Variants in TSPEAR observed in about 807,000 individuals in gnomAD.
TSPEAR encodes thrombospondin type laminin G domain and EAR repeats.
A neutral mutation model predicts 71.6 loss-of-function variants in TSPEAR; 69 were observed. The observed-to-expected ratio is 0.96, with a 90% CI of 0.79 to 1.18. The LOEUF (loss-of-function observed/expected upper bound fraction) is 1.18. Ranked by LOEUF, TSPEAR falls within the 50% of genes most tolerant of loss-of-function variation. TSPEAR has a pLI of 0.00. For missense variants in TSPEAR, 971 were observed against 894.9 expected, an observed-to-expected ratio of 1.09 and a Z score of -1.09; for synonymous variants, 402 against 387.2, an observed-to-expected ratio of 1.04 and a Z score of -0.45.
chr21:44,604,793 A>T (rs1297531634), intron 1 of TSPEAR, among the ~76,000 whole-genome samples: 1 of 152,226 alleles, frequency 6.6e-6, no homozygotes, highest in Non-Finnish European at 1.5e-5. Flanking sequence ...AGTTTTAATC[A>T]TGAATGAATG....
At chr21:44,672,337 A>G (rs775479073) in intron 1 of TSPEAR, among the ~76,000 whole-genome samples, 76 of 152,254 alleles carry the variant, frequency 5.0e-4, no homozygotes, top group Non-Finnish European at 9.0e-4. Context: ...TTGGGAGGCT[A>G]AGGCGGGCGG....
intron 1 of TSPEAR, among the ~76,000 whole-genome samples, chr21:44,589,453 G>C (rs587646584): frequency 3.5e-4 from 53 of 152,330 alleles, no homozygotes; most frequent in African/African-American, 1.1e-3. Context: ...TGTGTACATG[G>C]GCGCACAAAT....
At chr21:44,516,095 G>A (rs2052558868) in intron 9 of TSPEAR, 1 of 152,314 alleles carries the variant, frequency 6.6e-6, no homozygotes, top group African/African-American at 2.4e-5. Context: ...ACACCTGTGA[G>A]ATGGGTCTGA....
chr21:44,606,633 T>C (rs112568422), intron 1 of TSPEAR, among the ~76,000 whole-genome samples: 2,655 of 152,272 alleles, frequency 0.017, 77 homozygotes, highest in African/African-American at 0.06. Context: ...AGTTCATCAA[T>C]TGATGAATGG....
At position 44,711,470 on chromosome 21, in the gene TSPEAR, G is replaced by GA; in HGVS notation, c.44_45insT (p.Gly17ArgfsTer26). The GA allele has an allele frequency of 6.2e-7, 1 of 1,611,506 alleles. No homozygotes were observed. Reference sequence around the variant, plus strand: ...CCCAACCCTGCGTGCCGTGGCCGGGGGCCGCCAGGGGCAGCACAAAACACA... The same window carrying GA: ...CCCAACCCTGCGTGCCGTGGCCGGGGAGCCGCCAGGGGCAGCACAAAACACA... On this transcript the variant is annotated frameshift_variant, in exon 1 of 12. Transcript: ENST00000323084. LOFTEE classifies it high-confidence loss of function. The surrounding 1 kb of genome is among the most constrained non-coding windows in gnomAD (Gnocchi z 4.5).
intron 10 of TSPEAR, among the ~76,000 whole-genome samples, 153 bp from the exon 11 acceptor site, chr21:44,505,034 C>T (rs1473733263): frequency 6.6e-6 from 1 of 152,140 alleles, no homozygotes; most frequent in Non-Finnish European, 1.5e-5. Context: ...TGGTCTATTC[C>T]AGGAAAATGT....
intron 1 of TSPEAR, among the ~76,000 whole-genome samples, chr21:44,657,476 T>C (rs1985219987): frequency 6.6e-6 from 1 of 152,216 alleles, no homozygotes. Context: ...ACTAATGACA[T>C]GCTGTGATCC....
At chr21:44,622,883 G>A (rs1398725204) in intron 1 of TSPEAR, among the ~76,000 whole-genome samples, 2 of 152,164 alleles carry the variant, frequency 1.3e-5, no homozygotes, top group East Asian at 1.9e-4. Context: ...ACTCATGGGA[G>A]CGGATCTCTC....
chr21:44,635,746 T>C (rs73907087), intron 1 of TSPEAR, among the ~76,000 whole-genome samples: 1 of 152,190 alleles, frequency 6.6e-6, no homozygotes. Flanking sequence ...CACAACATTA[T>C]GACTGTACTG....
chr21:44,522,240 G>T, intron 8 of TSPEAR, 128 bp from the exon 9 acceptor site: 4 of 791,174 alleles, frequency 5.1e-6, no homozygotes, highest in African/African-American at 1.7e-5. Flanking sequence ...AAGGCCAACC[G>T]CTGGGGACAT....
intron 1 of TSPEAR, among the ~76,000 whole-genome samples, chr21:44,577,812 A>G (rs146911883): frequency 6.1e-4 from 93 of 152,350 alleles, no homozygotes; most frequent in African/African-American, 2.2e-3. Flanking sequence ...TCATTATAAA[A>G]CAAGAGAACA....
intron 1 of TSPEAR, among the ~76,000 whole-genome samples, chr21:44,598,628 C>G (rs1157596994): frequency 2.6e-5 from 4 of 152,188 alleles, no homozygotes; most frequent in African/African-American, 9.7e-5. Flanking sequence ...CCGCCGCTTC[C>G]AAAACAATGC....
intron 1 of TSPEAR, among the ~76,000 whole-genome samples, chr21:44,648,169 C>T (rs28566770): frequency 1.8e-4 from 27 of 152,218 alleles, no homozygotes; most frequent in African/African-American, 6.3e-4. Flanking sequence ...ACTCATCCTA[C>T]TCAGGGTTTA....
chr21:44,580,745 C>G, intron 1 of TSPEAR: 1 of 733,522 alleles, frequency 1.4e-6, no homozygotes, highest in South Asian at 1.9e-5. Context: ...GCTTCTCTTC[C>G]TTGTTGGTGT....
At chr21:44,682,256 T>A in intron 1 of TSPEAR, 1 of 1,080,264 alleles carries the variant, frequency 9.3e-7, no homozygotes, top group Non-Finnish European at 1.3e-6. Context: ...TCCTTGTTTT[T>A]CTTCCTCAAG....
intron 9 of TSPEAR, chr21:44,517,445 A>G (rs1197954878): frequency 4.0e-6 from 1 of 250,494 alleles, no homozygotes; most frequent in Non-Finnish European, 8.0e-6. Flanking sequence ...GCACTAGCCA[A>G]TGAGCTGTGA....
chr21:44,619,791 T>G (rs1486390610), intron 1 of TSPEAR, among the ~76,000 whole-genome samples: 1 of 152,174 alleles, frequency 6.6e-6, no homozygotes, highest in Non-Finnish European at 1.5e-5. Flanking sequence ...AGAAGATAGA[T>G]CCATTGAAGT....
Position 44,499,648 on chromosome 21 carries a change from C to A in TSPEAR, c.*135G>T. ...GCCCGAACCAGGGCCGCAGATGGCC[C>A]CACCTGCACCCTGCCTGATGCCCAG... is the stretch of plus-strand genomic sequence containing the variant. On this transcript the variant is annotated 3_prime_UTR_variant, in exon 12 of 12. Transcript: ENST00000323084. The A allele has an allele frequency of 1.1e-6, 1 of 926,936 alleles. No homozygotes were observed. Among genetic ancestry groups the A allele is most frequent in the South Asian group, 1.8e-5 (1 of 54,628 alleles). 57.4% of individuals were successfully genotyped at this position (926,936 alleles called of 1,614,324 possible).
chr21:44,666,674 C>G, intron 1 of TSPEAR: 2 of 1,613,252 alleles, frequency 1.2e-6, no homozygotes, highest in East Asian at 4.5e-5. Context: ...ACACAGCTGA[C>G]TTGAAGCTCA....
Sources: allele counts gnomAD v4.1 joint callset (sites outside exome capture counted in the v4.1 genomes callset), GRCh38; gene constraint gnomAD v4.1.1; non-coding constraint Gnocchi (gnomAD v3.1); transcripts MANE v1.5; gene names NCBI Gene and HGNC (gene_info 2026-07-23, HGNC 2026-07-21).